Variants in FIRRM observed in about 807,000 individuals in gnomAD.
FIRRM encodes the protein FIGNL1-interacting regulator of recombination and mitosis.
the FIRRM span, chr1:169,827,645 A>G: frequency 1.3e-6 from 2 of 1,590,628 alleles, no homozygotes; most frequent in East Asian, 4.5e-5. Context: ...CTCAAACAAA[A>G]AAAAATTATT....
the FIRRM span, among the ~76,000 whole-genome samples, chr1:169,845,292 A>T: frequency 1.1e-4 from 17 of 152,234 alleles, no homozygotes; most frequent in Admixed American, 2.6e-4. Flanking sequence ...TGATCATATA[A>T]GCCTTCAGCA....
At chr1:169,840,511 C>CTTTTTTTT in the FIRRM span, among the ~76,000 whole-genome samples, 2 of 141,594 alleles carry the variant, frequency 1.4e-5, no homozygotes, top group Non-Finnish European at 3.1e-5. Context: ...TTTCTTTTTT[C>CTTTTTTTT]TTTTTTTTTT....
At chr1:169,815,034 A>G in the FIRRM span, among the ~76,000 whole-genome samples, 8 of 151,924 alleles carry the variant, frequency 5.3e-5, no homozygotes, top group Non-Finnish European at 1.0e-4. Flanking sequence ...GCGGTGGCTC[A>G]CGCCTGTAAT....
At chr1:169,804,500 A>G in the FIRRM span, 1 of 223,700 alleles carries the variant, frequency 4.5e-6, no homozygotes, top group Non-Finnish European at 8.6e-6. Flanking sequence ...GAGGTTGTCC[A>G]TATTCAGAGA....
the FIRRM span, chr1:169,821,791 T>C: frequency 1.4e-6 from 2 of 1,435,040 alleles, no homozygotes; most frequent in East Asian, 2.3e-5. Context: ...CTTTATTTAA[T>C]TGTAGTTCTC....
chr1:169,796,342 CTCT>C, the FIRRM span, among the ~76,000 whole-genome samples: 1 of 152,354 alleles, frequency 6.6e-6, no homozygotes, highest in East Asian at 1.9e-4. Flanking sequence ...AACGTGATTC[CTCT>C]TCTTCCCCAC....
the FIRRM span, among the ~76,000 whole-genome samples, chr1:169,799,131 C>T: frequency 3.2e-4 from 49 of 152,140 alleles, no homozygotes; most frequent in Admixed American, 3.3e-4. Flanking sequence ...ATTCAAATTC[C>T]AGCACTTAAA....
At chr1:169,813,959 C>G in the FIRRM span, among the ~76,000 whole-genome samples, 16,026 of 152,134 alleles carry the variant, frequency 0.11, 1,023 homozygotes, top group Admixed American at 0.18. Context: ...CCTGTTGACT[C>G]TGTTTTAGTT....
the FIRRM span, among the ~76,000 whole-genome samples, chr1:169,804,660 T>C: frequency 6.6e-6 from 1 of 152,212 alleles, no homozygotes; most frequent in Non-Finnish European, 1.5e-5. Flanking sequence ...TTACATGTGA[T>C]GCACTTTATA....
chr1:169,846,341 T>C, the FIRRM span, among the ~76,000 whole-genome samples: 9 of 152,144 alleles, frequency 5.9e-5, no homozygotes, highest in African/African-American at 1.4e-4. Context: ...TAAGTGAACA[T>C]TGGCTTCAAC....
At chr1:169,831,301 T>C in the FIRRM span, among the ~76,000 whole-genome samples, 4 of 152,238 alleles carry the variant, frequency 2.6e-5, no homozygotes, top group Non-Finnish European at 5.9e-5. Flanking sequence ...CTGAGGTGTT[T>C]TATGTGTTCC....
chr1:169,803,762 T>G, the FIRRM span, among the ~76,000 whole-genome samples: 3 of 152,210 alleles, frequency 2.0e-5, no homozygotes, highest in African/African-American at 7.2e-5. Flanking sequence ...GTTTTAATAT[T>G]GCTATTTGTT....
At chr1:169,822,609 C>T in the FIRRM span, among the ~76,000 whole-genome samples, 2 of 152,112 alleles carry the variant, frequency 1.3e-5, no homozygotes, top group Non-Finnish European at 1.5e-5. Flanking sequence ...AAGTGATTCT[C>T]CTGCCTCAGC....
At chr1:169,804,929 T>G in the FIRRM span, among the ~76,000 whole-genome samples, 2 of 152,300 alleles carry the variant, frequency 1.3e-5, no homozygotes, top group Non-Finnish European at 2.9e-5. Flanking sequence ...GTAATCCACC[T>G]GCCTCAGCCT....
At chr1:169,817,566 T>A in the FIRRM span, among the ~76,000 whole-genome samples, 7 of 152,228 alleles carry the variant, frequency 4.6e-5, no homozygotes, top group Admixed American at 2.6e-4. Context: ...CATTTTATAT[T>A]TGACTATGCT....
At chr1:169,835,219 C>T in the FIRRM span, among the ~76,000 whole-genome samples, 1 of 151,912 alleles carries the variant, frequency 6.6e-6, no homozygotes, top group Admixed American at 6.6e-5. Flanking sequence ...TAGTTAATCC[C>T]AGTATGGTGA....
the FIRRM span, among the ~76,000 whole-genome samples, chr1:169,787,665 C>G: frequency 1.3e-5 from 2 of 152,198 alleles, no homozygotes; most frequent in East Asian, 3.8e-4. Context: ...TAAAGTCTGC[C>G]TTACCATGCT....
At chr1:169,793,125 C>CT in the FIRRM span, 1 of 1,614,058 alleles carries the variant, frequency 6.2e-7, no homozygotes, top group Non-Finnish European at 8.5e-7. Context: ...AGATCCAAGA[C>CT]TTTTTTCCCA....
the FIRRM span, chr1:169,836,914 CA>C: frequency 6.3e-7 from 1 of 1,599,012 alleles, no homozygotes; most frequent in Non-Finnish European, 8.5e-7. Context: ...CTTTCTTTAA[CA>C]ATTTATTTCA....
Sources: gnomAD v4.1 joint callset for allele counts (sites outside exome capture counted in the v4.1 genomes callset) on GRCh38, gnomAD v4.1.1 for gene constraint, MANE v1.5 for transcripts, NCBI Gene and HGNC (gene_info 2026-07-23, HGNC 2026-07-21) for gene names.